The following NOVA1 variants were observed in gnomAD, a reference collection of about 807,000 sequenced individuals.
NOVA1 encodes the protein RNA-binding protein Nova-1.
A neutral mutation model predicts 38.0 loss-of-function variants in NOVA1; 7 were observed. The observed-to-expected ratio is 0.18, with a 90% CI of 0.10 to 0.35. The LOEUF (loss-of-function observed/expected upper bound fraction) is 0.35. NOVA1 is among the 10% of genes least tolerant of loss of function. NOVA1 has a pLI of 1.00. For synonymous variants in NOVA1, 270 were observed against 232.5 expected (o/e 1.16, Z -1.47); for missense variants, 460 against 616.0 (o/e 0.75, Z 2.68).
At chr14:26,449,975 T>C (rs527716909) in intron 4 of NOVA1, among the ~76,000 whole-genome samples, 19 of 152,208 alleles carry the variant, frequency 1.2e-4, no homozygotes, top group African/African-American at 4.6e-4. Flanking sequence ...ATCCCTAAAA[T>C]TAAAATGTAA....
At chr14:26,583,186 G>T (rs182343251) in intron 2 of NOVA1, among the ~76,000 whole-genome samples, 13 of 151,720 alleles carry the variant, frequency 8.6e-5, no homozygotes, top group African/African-American at 2.9e-4. Flanking sequence ...CATTTTAAAG[G>T]CAGAAACAGT....
intron 2 of NOVA1, among the ~76,000 whole-genome samples, chr14:26,557,625 T>C (rs1891575256): frequency 6.6e-6 from 1 of 151,764 alleles, no homozygotes; most frequent in Admixed American, 6.6e-5. Context: ...TGCCAACCTC[T>C]GCCTCCCAAA....
intron 2 of NOVA1, among the ~76,000 whole-genome samples, chr14:26,509,906 C>G (rs371439787): frequency 3.3e-5 from 5 of 152,158 alleles, no homozygotes; most frequent in Admixed American, 3.3e-4. Flanking sequence ...TCTCAAACTC[C>G]TGACCTCGGG....
chr14:26,584,766 T>A (rs1488288153), intron 2 of NOVA1, among the ~76,000 whole-genome samples: 2 of 151,464 alleles, frequency 1.3e-5, no homozygotes, highest in Non-Finnish European at 3.0e-5. Context: ...CAGCTCCTCT[T>A]CGAAGTCTTC....
intron 2 of NOVA1, among the ~76,000 whole-genome samples, chr14:26,512,739 A>AC (rs989448140): frequency 1.2e-4 from 18 of 152,212 alleles, no homozygotes; most frequent in African/African-American, 4.1e-4. Flanking sequence ...CACTGGCTAT[A>AC]CATGTGGCAT....
intron 2 of NOVA1, among the ~76,000 whole-genome samples, chr14:26,554,963 C>T (rs981732672): frequency 3.3e-5 from 5 of 151,916 alleles, no homozygotes; most frequent in African/African-American, 7.3e-5. Context: ...GAATATGTTT[C>T]GTGCATTTGT....
chr14:26,497,992 A>G (rs1168206518), intron 2 of NOVA1, among the ~76,000 whole-genome samples: 1 of 152,204 alleles, frequency 6.6e-6, no homozygotes, highest in Non-Finnish European at 1.5e-5. Context: ...TACTATATTG[A>G]TCATGACTTT....
chr14:26,454,917 C>A (rs1334403311), intron 4 of NOVA1, among the ~76,000 whole-genome samples: 1 of 151,994 alleles, frequency 6.6e-6, no homozygotes, highest in Non-Finnish European at 1.5e-5. Context: ...GATACATGTG[C>A]CATTTTGGGG....
intron 2 of NOVA1, among the ~76,000 whole-genome samples, chr14:26,590,006 T>C (rs1893749327): frequency 6.6e-6 from 1 of 151,866 alleles, no homozygotes; most frequent in African/African-American, 2.4e-5. Context: ...TTAAGCTCCA[T>C]AGCAGCTGCA....
At chr14:26,505,323 A>C (rs140532974) in intron 2 of NOVA1, among the ~76,000 whole-genome samples, 1 of 152,090 alleles carries the variant, frequency 6.6e-6, no homozygotes, top group Non-Finnish European at 1.5e-5. Flanking sequence ...TGCTTGGATC[A>C]TGGGGGCAGT....
intron 2 of NOVA1, among the ~76,000 whole-genome samples, chr14:26,578,825 G>A (rs1893025234): frequency 6.6e-6 from 1 of 152,020 alleles, no homozygotes; most frequent in African/African-American, 2.4e-5. Flanking sequence ...ATAACCTTTA[G>A]TCATCCCTAA....
chr14:26,468,187 A>G (rs999898286), intron 4 of NOVA1, among the ~76,000 whole-genome samples: 2 of 152,176 alleles, frequency 1.3e-5, no homozygotes, highest in African/African-American at 4.8e-5. Flanking sequence ...AGAAGCAAAC[A>G]GCCAAGTTTT....
intron 2 of NOVA1, among the ~76,000 whole-genome samples, chr14:26,592,327 C>A (rs565074235): frequency 6.6e-6 from 1 of 150,538 alleles, no homozygotes; most frequent in Non-Finnish European, 1.5e-5. Context: ...TTTTTTACTA[C>A]AAGGTAACTT....
In NOVA1 at chr14:26,595,534, T is replaced by C. The variant is rs1894134490; in HGVS notation, c.156A>G (p.Leu52=). 2 of 1,613,164 alleles carry C rather than the reference T, an allele frequency of 1.2e-6. No individual in the cohort carries two copies. The highest frequency in any genetic ancestry group is 1.7e-6 in the Non-Finnish European group (2 of 1,179,680). Residue 52 remains leucine, a synonymous_variant, in exon 2 of 5, where the codon CTA becomes CTG. Coordinates refer to ENST00000539517, the MANE Select transcript of NOVA1 (RefSeq NM_002515.3). Reference sequence around the variant, plus strand: ...CAGCATAACTAGGTATGAGAACCTTTAGAAAATACTGGCCGTCTTCTGAAA... The same window carrying C: ...CAGCATAACTAGGTATGAGAACCTTCAGAAAATACTGGCCGTCTTCTGAAA... The part of the protein sequence containing the change: ...TNTGEDGQYF[L]KVLIPSYAAG...
Position 26,597,466 on chromosome 14 carries a change from G to GA in NOVA1, c.-31dup. 1 of 1,207,154 alleles carries GA rather than the reference G, an allele frequency of 8.3e-7. No individual in the cohort carries two copies. The highest frequency in any genetic ancestry group is 1.0e-6 in the Non-Finnish European group (1 of 961,082). The allele number at this position is 1,207,154 out of a possible 1,614,324, so 74.8% of individuals were successfully genotyped here. A position where few individuals can be genotyped will look rare whatever the true frequency, so the allele number is the denominator to read the frequency against. ...GCAGTTCCTGCCGCTGCTACCGGGA[G>GA]AAGGTTCTCCCTTTTGTTTTGGCTT... On this transcript the variant is annotated 5_prime_UTR_variant, in exon 1 of 5. Coordinates refer to ENST00000539517, the MANE Select transcript of NOVA1 (RefSeq NM_002515.3).
intron 2 of NOVA1, among the ~76,000 whole-genome samples, chr14:26,483,721 C>A (rs1042145280): frequency 6.6e-6 from 1 of 152,012 alleles, no homozygotes; most frequent in Non-Finnish European, 1.5e-5. Flanking sequence ...GAAAACAGAA[C>A]AATAAACGAT....
chr14:26,482,109 T>C (rs144706524), intron 2 of NOVA1, among the ~76,000 whole-genome samples: 2 of 151,842 alleles, frequency 1.3e-5, no homozygotes, highest in African/African-American at 4.8e-5. Flanking sequence ...GCCCCTATAC[T>C]TTTCAGATTG....
intron 2 of NOVA1, among the ~76,000 whole-genome samples, chr14:26,522,875 A>G (rs1888996839): frequency 6.6e-6 from 1 of 152,194 alleles, no homozygotes; most frequent in African/African-American, 2.4e-5. Context: ...TCTGTAACTA[A>G]TTACACAAAT....
At chr14:26,469,607 A>G (rs1884425495) in intron 4 of NOVA1, among the ~76,000 whole-genome samples, 1 of 152,158 alleles carries the variant, frequency 6.6e-6, no homozygotes. Flanking sequence ...CACAGACGGG[A>G]AAACTGAGAC....
Sources: gnomAD v4.1 joint callset for allele counts (sites outside exome capture counted in the v4.1 genomes callset) on GRCh38, gnomAD v4.1.1 for gene constraint, MANE v1.5 for transcripts, NCBI Gene and HGNC (gene_info 2026-07-23, HGNC 2026-07-21) for gene names.